The following LCLAT1 variants were observed in gnomAD, a reference collection of about 807,000 sequenced individuals.
The protein encoded by LCLAT1 is 1-AGP acyltransferase 8.
Under a neutral mutation model 30.7 loss-of-function variants are expected in LCLAT1, and 11 were observed. The ratio of observed to expected loss-of-function variants is 0.36; its 90% CI spans 0.23 to 0.59. LCLAT1 has a LOEUF of 0.59. LCLAT1 is among the 20% of genes least tolerant of loss of function. The probability of loss-of-function intolerance (pLI) is 0.77; values close to 1 mark genes in which losing one functional copy is unlikely to be tolerated. For synonymous variants in LCLAT1, 155 were observed against 151.3 expected, an observed-to-expected ratio of 1.02 and a Z score of -0.18; for missense variants, 402 against 458.6, an observed-to-expected ratio of 0.88 and a Z score of 1.13.
chr2:30,595,751 A>T (rs1035358985), intron 5 of LCLAT1, among the ~76,000 whole-genome samples: 3 of 152,134 alleles, frequency 2.0e-5, no homozygotes, highest in African/African-American at 7.2e-5. Context: ...CTAAGTATTA[A>T]GCCCAGCATG....
At chr2:30,452,618 A>AT (rs1487659458) in intron 1 of LCLAT1, among the ~76,000 whole-genome samples, 1 of 152,062 alleles carries the variant, frequency 6.6e-6, no homozygotes, top group Non-Finnish European at 1.5e-5. Context: ...TTTTTGTTTT[A>AT]TTTTTTGGGA....
At chr2:30,462,105 C>T (rs1682178490) in intron 1 of LCLAT1, among the ~76,000 whole-genome samples, 1 of 152,112 alleles carries the variant, frequency 6.6e-6, no homozygotes, top group Non-Finnish European at 1.5e-5. Context: ...TTTTTGAACT[C>T]AGAACTTTCA....
chr2:30,574,014 A>G (rs761965743), intron 5 of LCLAT1, among the ~76,000 whole-genome samples: 20 of 151,962 alleles, frequency 1.3e-4, no homozygotes, highest in Admixed American at 2.0e-4. Flanking sequence ...TGTGGCACAC[A>G]CCTCTTAATC....
In LCLAT1 at chr2:30,496,310, G is replaced by C. The variant is rs528578335; in HGVS notation, c.-4-29277G>C. Among the ~76,000 whole-genome samples the C allele has an allele frequency of 5.9e-5, 9 of 152,260 alleles. No individual in the cohort carries two copies. The South Asian group carries it at 1.9e-3, about 32-fold the overall frequency. Reference sequence around the variant, plus strand: ...AAACCATATCTGAATCCCTCTTTCTGAATTAGTTGGTTGGGGGAATCCTGT... The same window carrying C: ...AAACCATATCTGAATCCCTCTTTCTCAATTAGTTGGTTGGGGGAATCCTGT... On this transcript the variant is annotated intron_variant, in intron 1 of 5. Coordinates refer to ENST00000379509, the MANE Select transcript of LCLAT1 (RefSeq NM_001002257.3).
chr2:30,604,141 A>G (rs1373090676), intron 5 of LCLAT1, among the ~76,000 whole-genome samples: 1 of 152,214 alleles, frequency 6.6e-6, no homozygotes, highest in East Asian at 1.9e-4. Flanking sequence ...AACTCTGGCC[A>G]GAGAGCAGAT....
At chr2:30,459,152 C>T (rs998274207) in intron 1 of LCLAT1, among the ~76,000 whole-genome samples, 1 of 152,156 alleles carries the variant, frequency 6.6e-6, no homozygotes, top group Non-Finnish European at 1.5e-5. Context: ...CTTGAATACC[C>T]TATGTGTTAC....
chr2:30,563,129 G>A (rs777601458), intron 4 of LCLAT1, among the ~76,000 whole-genome samples: 1 of 151,168 alleles, frequency 6.6e-6, no homozygotes, highest in Admixed American at 6.6e-5. Context: ...CTACAGCCTT[G>A]AACTCCTGGG....
intron 1 of LCLAT1, among the ~76,000 whole-genome samples, chr2:30,447,838 G>T (rs1681340242): frequency 6.6e-6 from 1 of 152,214 alleles, no homozygotes; most frequent in African/African-American, 2.4e-5. Context: ...CCACGTGCGG[G>T]GCTTCGACGA....
At position 30,501,319 on chromosome 2, in the gene LCLAT1, C is replaced by G. The variant is rs61673007; in HGVS notation, c.-4-24268C>G. Among the ~76,000 whole-genome samples, 348 of 152,194 alleles carry G rather than the reference C, an allele frequency of 2.3e-3. 2 individuals carry two copies. Among genetic ancestry groups the G allele is most frequent in the African/African-American group, 8.0e-3 (331 of 41,524 alleles). On this transcript the variant is annotated intron_variant, in intron 1 of 5. Transcript: ENST00000379509. ...CCCCCAGTGCTTTGGTAACAAATGC[C>G]TCTGTTTTATTTGACAAAATGGTGG...
At chr2:30,637,903 C>A (rs1223772043) in intron 5 of LCLAT1, among the ~76,000 whole-genome samples, 1 of 152,104 alleles carries the variant, frequency 6.6e-6, no homozygotes, top group African/African-American at 2.4e-5. Flanking sequence ...TGGAGCCAAG[C>A]AGGTCTGGCC....
chr2:30,521,791 C>T (rs1572565430), intron 1 of LCLAT1, among the ~76,000 whole-genome samples: 1 of 151,946 alleles, frequency 6.6e-6, no homozygotes, highest in East Asian at 1.9e-4. Context: ...AGGCATGAGC[C>T]ACCGCTGGAC....
chr2:30,629,695 G>T (rs1014473528), intron 5 of LCLAT1, among the ~76,000 whole-genome samples: 2 of 152,166 alleles, frequency 1.3e-5, no homozygotes, highest in East Asian at 3.8e-4. Flanking sequence ...GTCAGTTTCC[G>T]ACATGTAGCT....
intron 5 of LCLAT1, among the ~76,000 whole-genome samples, chr2:30,573,495 C>T (rs7583211): frequency 0.85 from 129,123 of 152,158 alleles, 54,938 homozygotes; most frequent in East Asian, 0.94. Flanking sequence ...ACCCAGGCCT[C>T]CTATGACCTA....
In LCLAT1 at chr2:30,568,054, G is replaced by C; in HGVS notation, c.512-6G>C. On this transcript the variant is annotated splice_polypyrimidine_tract_variant and splice_region_variant and intron_variant, in intron 4 of 5. Transcript: ENST00000379509. ...ATGATTTATAATGGTCCATTGTTTT[G>C]TTTAGAAAACAGCAAGTCTCGAAGT... 4.1e-6 allele frequency: 6 copies of C among 1,449,538 alleles called. No homozygotes were observed. Among genetic ancestry groups the C allele is most frequent in the Non-Finnish European group, 5.8e-6 (6 of 1,041,026 alleles). 89.8% of individuals were successfully genotyped at this position (1,449,538 alleles called of 1,614,324 possible). A position where few individuals can be genotyped will look rare whatever the true frequency, so the allele number is the denominator to read the frequency against.
At chr2:30,482,777 T>TAA (rs571789425) in intron 1 of LCLAT1, among the ~76,000 whole-genome samples, 2 of 137,018 alleles carry the variant, frequency 1.5e-5, no homozygotes, top group South Asian at 2.3e-4. Flanking sequence ...CTGTCCCTAT[T>TAA]AAAAAAAAAA....
At chr2:30,556,524 G>GA (rs34595624) in intron 3 of LCLAT1, among the ~76,000 whole-genome samples, 88,164 of 150,880 alleles carry the variant, frequency 0.58, 26,910 homozygotes, top group Non-Finnish European at 0.68. Flanking sequence ...ATCAGGAAAA[G>GA]AAAAAAAAAT....
intron 3 of LCLAT1, among the ~76,000 whole-genome samples, chr2:30,558,651 T>A (rs1225322929): frequency 1.4e-5 from 2 of 145,374 alleles, no homozygotes; most frequent in African/African-American, 2.5e-5. Context: ...GAAATGTGAA[T>A]CACAACTACT....
intron 1 of LCLAT1, among the ~76,000 whole-genome samples, chr2:30,479,283 A>G (rs1029214514): frequency 1.3e-5 from 2 of 151,674 alleles, no homozygotes; most frequent in Non-Finnish European, 2.9e-5. Flanking sequence ...AGGCTGGACT[A>G]CAGTGGTGTG....
At chr2:30,501,501 C>G (rs961277475) in intron 1 of LCLAT1, among the ~76,000 whole-genome samples, 4 of 151,832 alleles carry the variant, frequency 2.6e-5, no homozygotes, top group Non-Finnish European at 5.9e-5. Context: ...AACCCTGTCT[C>G]TATCAAAAAA....
Sources: allele counts gnomAD v4.1 joint callset (sites outside exome capture counted in the v4.1 genomes callset), GRCh38; gene constraint gnomAD v4.1.1; transcripts MANE v1.5; gene names NCBI Gene and HGNC (gene_info 2026-07-23, HGNC 2026-07-21).